ARHGAP10: variants seen among roughly 807,000 people sequenced by gnomAD.
ARHGAP10 encodes Rho GTPase activating protein 10, also known as rho GTPase-activating protein 10.
ARHGAP10 carries 87 observed loss-of-function variants against 108.6 expected under a neutral mutation model. That is an observed-to-expected ratio of 0.80 (90% confidence interval 0.67 to 0.96). ARHGAP10 has a LOEUF of 0.96. Ranked by LOEUF, ARHGAP10 falls within the 40% of genes least tolerant of loss-of-function variation. The probability of loss-of-function intolerance (pLI) is 0.00; values close to 1 mark genes in which losing one functional copy is unlikely to be tolerated. For synonymous variants in ARHGAP10, 347 were observed against 341.1 expected (o/e 1.02, Z -0.19); for missense variants, 939 against 954.5 (o/e 0.98, Z 0.21).
chr4:147,964,773 G>C (rs1739141779), intron 16 of ARHGAP10, among the ~76,000 whole-genome samples: 1 of 152,134 alleles, frequency 6.6e-6, no homozygotes. Context: ...TATAAACCAA[G>C]GAAAAGGCAC....
At chr4:147,829,424 G>T (rs1732858629) in intron 3 of ARHGAP10, among the ~76,000 whole-genome samples, 1 of 151,982 alleles carries the variant, frequency 6.6e-6, no homozygotes, top group Non-Finnish European at 1.5e-5. Context: ...CCTGACCTCG[G>T]GTGATCCACC....
chr4:147,926,433 A>G (rs238866), intron 13 of ARHGAP10, among the ~76,000 whole-genome samples: 145,261 of 152,212 alleles, frequency 0.95, 69,327 homozygotes, highest in East Asian at 0.97. Flanking sequence ...TCAGGGAGAG[A>G]GGAAAGTGAA....
intron 13 of ARHGAP10, chr4:147,916,903 C>G (rs7655265): frequency 6.6e-6 from 1 of 152,172 alleles, no homozygotes; most frequent in East Asian, 1.9e-4. Flanking sequence ...ACTCCCAGAT[C>G]CCATTCTTTG....
At chr4:148,017,177 C>A (rs1741379752) in intron 18 of ARHGAP10, among the ~76,000 whole-genome samples, 1 of 152,066 alleles carries the variant, frequency 6.6e-6, no homozygotes, top group African/African-American at 2.4e-5. Context: ...AGAAACCCAG[C>A]AATGCCTGAC....
chr4:148,049,151 GAT>G, intron 20 of ARHGAP10, among the ~76,000 whole-genome samples: 2 of 152,130 alleles, frequency 1.3e-5, no homozygotes, highest in Non-Finnish European at 2.9e-5. Context: ...TTTGTATATA[GAT>G]GAGTGCCTCT....
At chr4:147,744,118 G>A (rs1482086470) in intron 1 of ARHGAP10, among the ~76,000 whole-genome samples, 1 of 152,184 alleles carries the variant, frequency 6.6e-6, no homozygotes, top group Non-Finnish European at 1.5e-5. Flanking sequence ...CATTCACATT[G>A]TTGAATCAGT....
chr4:147,787,458 G>A (rs1018874990), intron 1 of ARHGAP10, among the ~76,000 whole-genome samples: 5 of 152,064 alleles, frequency 3.3e-5, no homozygotes, highest in Admixed American at 1.3e-4. Flanking sequence ...GAAGCGGTGG[G>A]GGAGGAGGCT....
chr4:147,948,678 C>T (rs747520226), intron 15 of ARHGAP10, among the ~76,000 whole-genome samples: 11 of 152,042 alleles, frequency 7.2e-5, no homozygotes, highest in Non-Finnish European at 1.0e-4. Context: ...CATTGTAGGC[C>T]GGGCGCGGTG....
At chr4:148,016,695 A>G (rs375713338) in intron 18 of ARHGAP10, among the ~76,000 whole-genome samples, 1 of 152,100 alleles carries the variant, frequency 6.6e-6, no homozygotes, top group African/African-American at 2.4e-5. Context: ...GTCTACCTGG[A>G]GGTAGTGCCA....
At chr4:147,993,322 T>G (rs1740349851) in intron 18 of ARHGAP10, among the ~76,000 whole-genome samples, 1 of 152,214 alleles carries the variant, frequency 6.6e-6, no homozygotes, top group Non-Finnish European at 1.5e-5. Context: ...CTAAGATTGG[T>G]CATGAGTTAG....
At chr4:147,881,813 G>T in intron 9 of ARHGAP10, 25 bp from the exon 10 acceptor site, 1 of 1,608,336 alleles carries the variant, frequency 6.2e-7, no homozygotes, top group Non-Finnish European at 8.5e-7. Flanking sequence ...TAGGTTTTGA[G>T]AATGTTCAAA....
chr4:147,779,572 G>A (rs1362482557), intron 1 of ARHGAP10, among the ~76,000 whole-genome samples: 3 of 152,166 alleles, frequency 2.0e-5, no homozygotes, highest in Non-Finnish European at 2.9e-5. Context: ...TGTTCAGTGA[G>A]GAAGGTAAGG....
rs756569898 is a variant in ARHGAP10 at position 147,822,712 on chromosome 4, T to C, written c.155-15T>C. 4 of 1,610,896 alleles carry C rather than the reference T, an allele frequency of 2.5e-6. No homozygotes were observed. Among genetic ancestry groups the C allele is most frequent in the Non-Finnish European group, 3.4e-6 (4 of 1,177,202 alleles). On this transcript the variant is annotated splice_polypyrimidine_tract_variant and intron_variant, in intron 1 of 22. Transcript: ENST00000336498. ...AAAACAAGAACCCAAGTCATCATTA[T>C]ACTTTTCTTTCTAGGTCTGTCAGTG...
intron 1 of ARHGAP10, among the ~76,000 whole-genome samples, chr4:147,789,978 T>C (rs545519836): frequency 6.6e-6 from 1 of 150,800 alleles, no homozygotes; most frequent in Non-Finnish European, 1.5e-5. Context: ...CAGAAAGGTG[T>C]GTTGGTGTGT....
chr4:147,982,901 G>A (rs956274654), intron 18 of ARHGAP10, among the ~76,000 whole-genome samples: 7 of 151,248 alleles, frequency 4.6e-5, no homozygotes, highest in African/African-American at 1.2e-4. Context: ...CTGAATTTTC[G>A]AGACAGGGTC....
intron 1 of ARHGAP10, among the ~76,000 whole-genome samples, chr4:147,758,433 T>C (rs1729465278): frequency 6.6e-6 from 1 of 152,174 alleles, no homozygotes; most frequent in Non-Finnish European, 1.5e-5. Context: ...AGTCACAGAT[T>C]AGTGCAGCCA....
chr4:147,900,849 C>G (rs1736207889), intron 10 of ARHGAP10, among the ~76,000 whole-genome samples: 2 of 150,674 alleles, frequency 1.3e-5, no homozygotes, highest in Non-Finnish European at 3.0e-5. Context: ...AACAACACGC[C>G]TTGAGACAGG....
Position 148,054,329 on chromosome 4 carries a change from CTTAGCAAGA to C in ARHGAP10, c.2027+7282_2027+7290del, listed in dbSNP as rs577494203. 5.3e-5 allele frequency among the ~76,000 whole-genome samples: 8 copies of C among 152,304 alleles called. No individual in the cohort carries two copies. In the South Asian group the frequency reaches 1.5e-3, roughly 28 times the overall value. ...AACCAGGGATTTAAGCAAACCAAGG[CTTAGCAAGA>C]TTATCTGTAAAAGGGGAATAATAAC... On this transcript the variant is annotated intron_variant, in intron 20 of 22. Coordinates refer to ENST00000336498, the MANE Select transcript of ARHGAP10 (RefSeq NM_024605.4).
intron 18 of ARHGAP10, among the ~76,000 whole-genome samples, chr4:148,021,835 T>C (rs1175006801): frequency 6.6e-6 from 1 of 152,208 alleles, no homozygotes; most frequent in East Asian, 1.9e-4. Context: ...AGGTTACCAG[T>C]TGGAGCAATA....
Sources: allele counts gnomAD v4.1 joint callset (sites outside exome capture counted in the v4.1 genomes callset), GRCh38; gene constraint gnomAD v4.1.1; transcripts MANE v1.5; gene names NCBI Gene and HGNC (gene_info 2026-07-23, HGNC 2026-07-21).